CSMD1: variants seen among roughly 807,000 people sequenced by gnomAD.
CSMD1 encodes the protein CUB and sushi domain-containing protein 1.
Under a neutral mutation model 417.5 loss-of-function variants are expected in CSMD1, and 213 were observed. The ratio of observed to expected loss-of-function variants is 0.51; its 90% confidence interval spans 0.46 to 0.57. The LOEUF (loss-of-function observed/expected upper bound fraction) is 0.57, where lower values mean the gene tolerates loss of function less well. CSMD1 is among the 20% of genes least tolerant of loss of function. The probability of loss-of-function intolerance (pLI) is 0.00; values close to 1 mark genes in which losing one functional copy is unlikely to be tolerated. For missense variants in CSMD1, 6,923 were observed against 4,529.7 expected, an observed-to-expected ratio of 1.53 and a Z score of -15.17; for synonymous variants, 2,862 against 1,736.8, an observed-to-expected ratio of 1.65 and a Z score of -16.11.
intron 1 of CSMD1, among the ~76,000 whole-genome samples, chr8:4,887,646 C>T (rs1803844608): frequency 6.6e-6 from 1 of 151,670 alleles, no homozygotes; most frequent in Non-Finnish European, 1.5e-5. Flanking sequence ...TTTATTAATT[C>T]TACTGGTTTT....
At chr8:4,560,006 C>T (rs922051642) in intron 2 of CSMD1, among the ~76,000 whole-genome samples, 7 of 152,200 alleles carry the variant, frequency 4.6e-5, no homozygotes, top group African/African-American at 1.4e-4. Context: ...TCAAGAGAAA[C>T]TGTGGTCAGA....
rs149872278 is a variant in CSMD1 at position 4,045,490 on chromosome 8, G to C, written c.416-13391C>G. ...TGCTGGGGTCAGAACACTGTCCCCA[G>C]TTGGGGGAAGACCAGATCCAGGGAC... On this transcript the variant is annotated intron_variant, in intron 3 of 69. Transcript: ENST00000635120. Among the ~76,000 whole-genome samples the C allele has an allele frequency of 2.3e-3, 343 of 152,330 alleles. 2 individuals are homozygous for C. Among genetic ancestry groups the C allele is most frequent in the African/African-American group, 7.9e-3 (329 of 41,578 alleles).
intron 1 of CSMD1, among the ~76,000 whole-genome samples, chr8:4,907,619 G>A (rs1463631085): frequency 6.6e-6 from 1 of 152,068 alleles, no homozygotes; most frequent in Non-Finnish European, 1.5e-5. Context: ...AAGTGCAGTG[G>A]CAAAAACATG....
chr8:3,177,667 G>T (rs1215460278), intron 37 of CSMD1, among the ~76,000 whole-genome samples: 1 of 152,002 alleles, frequency 6.6e-6, no homozygotes, highest in Non-Finnish European at 1.5e-5. Flanking sequence ...AAAACAGATG[G>T]GGTAAATAGA....
chr8:3,529,092 G>A (rs577572759), intron 10 of CSMD1, among the ~76,000 whole-genome samples: 5 of 152,138 alleles, frequency 3.3e-5, no homozygotes, highest in South Asian at 2.1e-4. Flanking sequence ...AGAATATACC[G>A]ACTTCTTTGA....
At chr8:3,670,770 T>C (rs1415048506) in intron 7 of CSMD1, among the ~76,000 whole-genome samples, 1 of 150,728 alleles carries the variant, frequency 6.6e-6, no homozygotes, top group Non-Finnish European at 1.5e-5. Context: ...GTATGGGATA[T>C]ATAAGTATAC....
intron 11 of CSMD1, among the ~76,000 whole-genome samples, chr8:3,479,781 G>A (rs1259242982): frequency 1.3e-5 from 2 of 151,734 alleles, no homozygotes; most frequent in Non-Finnish European, 2.9e-5. Flanking sequence ...AACCCCAACA[G>A]AAATGAATCA....
chr8:4,708,462 T>G (rs1312656179), intron 1 of CSMD1, among the ~76,000 whole-genome samples: 1 of 152,088 alleles, frequency 6.6e-6, no homozygotes, highest in African/African-American at 2.4e-5. Context: ...ATAGGAACAA[T>G]GAAAAAGTAA....
chr8:4,803,442 G>A (rs1296172115), intron 1 of CSMD1, among the ~76,000 whole-genome samples: 6 of 152,134 alleles, frequency 3.9e-5, no homozygotes, highest in Admixed American at 3.9e-4. Context: ...TATAGGAAGG[G>A]GTTTTGCATG....
rs35616416 is a variant in CSMD1, at chr8:3,884,912, A to AATAT, written c.818+112987_818+112990dup. Among the ~76,000 whole-genome samples, 535 of 145,760 alleles carry AATAT rather than the reference A, an allele frequency of 3.7e-3. 8 individuals are homozygous for AATAT. Among genetic ancestry groups the AATAT allele is most frequent in the Non-Finnish European group, 4.4e-3 (291 of 66,454 alleles). On this transcript the variant is annotated intron_variant, in intron 5 of 69. Transcript: ENST00000635120. ...TAACTTTTATATTAAAGGCCTTCTA[A>AATAT]ATATATATATATATATATTCATATA...
intron 3 of CSMD1, among the ~76,000 whole-genome samples, chr8:4,193,168 C>A (rs973426930): frequency 6.6e-6 from 1 of 151,790 alleles, no homozygotes; most frequent in African/African-American, 2.4e-5. Context: ...CAGTACCATG[C>A]ATTTAACCTC....
At chr8:4,197,068 G>C (rs1480122388) in intron 3 of CSMD1, among the ~76,000 whole-genome samples, 1 of 152,074 alleles carries the variant, frequency 6.6e-6, no homozygotes, top group African/African-American at 2.4e-5. Flanking sequence ...GAGAGCTTGT[G>C]TTCTATGGGA....
chr8:4,143,742 G>A (rs556913030), intron 3 of CSMD1, among the ~76,000 whole-genome samples: 2 of 151,170 alleles, frequency 1.3e-5, no homozygotes, highest in South Asian at 4.1e-4. Context: ...AGCTGTGAAA[G>A]GGGGGATTTA....
At position 4,312,402 on chromosome 8, in the gene CSMD1, T is replaced by A. The variant is rs1354085538; in HGVS notation, c.415+107551A>T. On this transcript the variant is annotated intron_variant, in intron 3 of 69. Coordinates refer to ENST00000635120, the MANE Select transcript of CSMD1 (RefSeq NM_033225.6). ...ATATATATATATATATACATACATATATATGCGTGTATATATATGCGCGTA... is the reference window on the plus strand; with the variant it reads ...ATATATATATATATATACATACATAAATATGCGTGTATATATATGCGCGTA... Among the ~76,000 whole-genome samples the A allele has an allele frequency of 1.5e-4, 20 of 137,290 alleles. 3 individuals are homozygous for A. Among genetic ancestry groups the A allele is most frequent in the African/African-American group, 6.5e-4 (20 of 30,756 alleles). The allele number at this position is 137,290 out of a possible 152,430, so 90.1% of individuals were successfully genotyped here.
chr8:3,856,415 T>A (rs1804315146), intron 5 of CSMD1, among the ~76,000 whole-genome samples: 1 of 152,170 alleles, frequency 6.6e-6, no homozygotes, highest in Non-Finnish European at 1.5e-5. Context: ...TTCTGCTACT[T>A]CTTTATAGCA....
chr8:3,583,461 A>G (rs1281556517), intron 9 of CSMD1, among the ~76,000 whole-genome samples: 1 of 152,042 alleles, frequency 6.6e-6, no homozygotes, highest in African/African-American at 2.4e-5. Flanking sequence ...GGAAACCGAA[A>G]GAGGTGGCAG....
intron 1 of CSMD1, among the ~76,000 whole-genome samples, chr8:4,974,459 G>A (rs572193012): frequency 6.8e-4 from 104 of 152,048 alleles, no homozygotes; most frequent in Non-Finnish European, 1.2e-3. Flanking sequence ...AGCAGACACA[G>A]GCTATATATA....
At chr8:3,603,018 C>T (rs1801436066) in intron 8 of CSMD1, among the ~76,000 whole-genome samples, 2 of 152,068 alleles carry the variant, frequency 1.3e-5, no homozygotes, top group African/African-American at 4.8e-5. Context: ...GAGGATATTC[C>T]ACCAGCCCTA....
chr8:4,276,488 T>C (rs942768756), intron 3 of CSMD1, among the ~76,000 whole-genome samples: 1 of 152,050 alleles, frequency 6.6e-6, no homozygotes, highest in South Asian at 2.1e-4. Flanking sequence ...AAATACCTAA[T>C]ACAGATGACG....
Sources: allele counts gnomAD v4.1 joint callset (sites outside exome capture counted in the v4.1 genomes callset), GRCh38; gene constraint gnomAD v4.1.1; transcripts MANE v1.5; gene names NCBI Gene and HGNC (gene_info 2026-07-23, HGNC 2026-07-21).